KAZN: variants seen among roughly 807,000 people sequenced by gnomAD.
KAZN encodes the protein kazrin, periplakin interacting protein.
Under a neutral mutation model 87.4 loss-of-function variants are expected in KAZN, and 40 were observed. The observed-to-expected ratio is 0.46, with a 90% CI of 0.36 to 0.60. KAZN has a LOEUF of 0.60. Among genes scored for constraint, KAZN ranks in the 20% least tolerant of loss-of-function variants. The probability of loss-of-function intolerance (pLI) is 0.00; values close to 1 mark genes in which losing one functional copy is unlikely to be tolerated. For missense variants in KAZN, 898 were observed against 1,073.9 expected (o/e 0.84, Z 2.29); for synonymous variants, 466 against 458.3 (o/e 1.02, Z -0.22).
intron 2 of KAZN, among the ~76,000 whole-genome samples, chr1:14,295,543 A>G (rs1440975816): frequency 6.6e-6 from 1 of 152,146 alleles, no homozygotes; most frequent in Non-Finnish European, 1.5e-5. Flanking sequence ...ATATACACAC[A>G]CAGACATGCA....
intron 2 of KAZN, among the ~76,000 whole-genome samples, chr1:15,029,617 G>A (rs909746450): frequency 8.5e-5 from 13 of 152,224 alleles, no homozygotes; most frequent in Non-Finnish European, 1.9e-4. Flanking sequence ...AAGGCCATTT[G>A]TGAGAGGAAA....
chr1:14,419,220 C>T (rs781035145), intron 2 of KAZN, among the ~76,000 whole-genome samples: 8 of 152,160 alleles, frequency 5.3e-5, no homozygotes, highest in Non-Finnish European at 1.2e-4. Flanking sequence ...GACACTGTTC[C>T]TGCTGTCATT....
chr1:14,535,838 G>C (rs968979191), intron 2 of KAZN, among the ~76,000 whole-genome samples: 6 of 152,294 alleles, frequency 3.9e-5, no homozygotes, highest in Non-Finnish European at 5.9e-5. Flanking sequence ...GTGATCATCT[G>C]TGGCCATACA....
intron 2 of KAZN, among the ~76,000 whole-genome samples, chr1:14,531,124 T>C (rs925852753): frequency 6.6e-6 from 1 of 152,162 alleles, no homozygotes; most frequent in East Asian, 1.9e-4. Context: ...TATTTCTTTA[T>C]AGCAACACAA....
rs575473360 is a variant in KAZN, at chr1:14,663,949, C to A, written c.226+64726C>A. 7.9e-5 allele frequency among the ~76,000 whole-genome samples: 12 copies of A among 152,316 alleles called. No individual in the cohort carries two copies. In the South Asian group the frequency reaches 2.5e-3, roughly 32 times the overall value. ...GTCCGTCAACAAACGAGTGGATCAG[C>A]AAAATGTGTTCTGTCCACACAGTGG... On this transcript the variant is annotated intron_variant, in intron 1 of 14. Coordinates refer to ENST00000376030, the MANE Select transcript of KAZN (RefSeq NM_201628.3).
intron 1 of KAZN, among the ~76,000 whole-genome samples, chr1:14,036,832 T>G (rs1641580304): frequency 6.6e-6 from 1 of 151,964 alleles, no homozygotes; most frequent in South Asian, 2.1e-4. Flanking sequence ...CAGGCTGGAG[T>G]GCAGTGGTGC....
intron 1 of KAZN, among the ~76,000 whole-genome samples, chr1:14,662,710 T>C (rs1293232043): frequency 6.6e-6 from 1 of 151,536 alleles, no homozygotes; most frequent in African/African-American, 2.4e-5. Context: ...TATGTGTGCA[T>C]GTGTATATGT....
chr1:14,362,627 C>A (rs997166781), intron 2 of KAZN, among the ~76,000 whole-genome samples: 13 of 152,206 alleles, frequency 8.5e-5, no homozygotes, highest in Admixed American at 7.9e-4. Flanking sequence ...CTATTACACA[C>A]AGGCATTGCT....
upstream of KAZN, among the ~76,000 whole-genome samples, chr1:14,595,693 A>G (rs887770295): frequency 2.9e-4 from 44 of 149,544 alleles, no homozygotes; most frequent in Non-Finnish European, 4.0e-4. Flanking sequence ...AAAAAAAAAA[A>G]AAAAAGAAAA....
intron 2 of KAZN, among the ~76,000 whole-genome samples, chr1:14,561,236 T>C (rs948699665): frequency 6.6e-6 from 1 of 152,184 alleles, no homozygotes; most frequent in African/African-American, 2.4e-5. Context: ...CACTGAGCTA[T>C]TTTAAAACTC....
intron 1 of KAZN, among the ~76,000 whole-genome samples, chr1:14,793,886 C>G (rs1645753697): frequency 6.6e-6 from 1 of 152,194 alleles, no homozygotes; most frequent in Non-Finnish European, 1.5e-5. Context: ...GCAAACAAGA[C>G]CACCCTCCCC....
chr1:14,853,864 G>C (rs886956039), intron 1 of KAZN, among the ~76,000 whole-genome samples: 3 of 152,186 alleles, frequency 2.0e-5, no homozygotes, highest in African/African-American at 7.2e-5. Context: ...AGCTGATGGG[G>C]AACGGTGGCC....
intron 1 of KAZN, among the ~76,000 whole-genome samples, chr1:14,026,887 T>G (rs1193994087): frequency 2.6e-5 from 4 of 152,024 alleles, no homozygotes; most frequent in Non-Finnish European, 5.9e-5. Flanking sequence ...TGGGGGATCA[T>G]GGAGGAACAG....
intron 2 of KAZN, among the ~76,000 whole-genome samples, chr1:14,458,619 G>C (rs966261420): frequency 6.6e-6 from 1 of 152,156 alleles, no homozygotes; most frequent in African/African-American, 2.4e-5. Flanking sequence ...AAAGGTGCTG[G>C]GACCTCCACT....
rs1557737797 is a variant in KAZN, at chr1:13,945,708, TGTGAGAGAGA to T, written c.91+51954_91+51963del. Among the ~76,000 whole-genome samples the T allele has an allele frequency of 7.2e-4, 97 of 134,614 alleles. No individual in the cohort carries two copies. In the Middle Eastern group the frequency reaches 0.022, roughly 31 times the overall value. 88.3% of individuals were successfully genotyped at this position (134,614 alleles called of 152,430 possible). On this transcript the variant is annotated intron_variant, in intron 1 of 16. Transcript: ENST00000636203. Reference sequence around the variant, plus strand: ...GTGTGTGTGTGTGTGTGTGTGTGTGTGTGAGAGAGAGAGAGAGAGAGAGAGAGAATGTTTT... The same window carrying T: ...GTGTGTGTGTGTGTGTGTGTGTGTGTGAGAGAGAGAGAGAGAGAATGTTTT...
chr1:14,648,254 G>A (rs1369671005), intron 1 of KAZN, among the ~76,000 whole-genome samples: 1 of 152,176 alleles, frequency 6.6e-6, no homozygotes, highest in Admixed American at 6.5e-5. Flanking sequence ...GATTAACTCT[G>A]GGCATGGGAA....
At chr1:14,798,930 ATTTG>A (rs113713152) in intron 1 of KAZN, among the ~76,000 whole-genome samples, 7,245 of 151,682 alleles carry the variant, frequency 0.048, 328 homozygotes, top group Admixed American at 0.15. Flanking sequence ...CCAGCCAATT[ATTTG>A]TTTGTTTGTT....
intron 1 of KAZN, among the ~76,000 whole-genome samples, chr1:14,620,243 A>G (rs1678587674): frequency 6.6e-6 from 1 of 152,232 alleles, no homozygotes; most frequent in South Asian, 2.1e-4. Context: ...GTTTGAGACA[A>G]TTCTATTTAA....
At chr1:14,975,284 G>C (rs1311650990) in intron 2 of KAZN, among the ~76,000 whole-genome samples, 1 of 152,178 alleles carries the variant, frequency 6.6e-6, no homozygotes, top group Non-Finnish European at 1.5e-5. Context: ...TTGAGCTCCC[G>C]CCCAACTTTT....
Sources: gnomAD v4.1 joint callset for allele counts (sites outside exome capture counted in the v4.1 genomes callset) on GRCh38, gnomAD v4.1.1 for gene constraint, MANE v1.5 for transcripts, NCBI Gene and HGNC (gene_info 2026-07-23, HGNC 2026-07-21) for gene names.